The following ZPBP variants were observed in gnomAD, a reference collection of about 807,000 sequenced individuals.
ZPBP encodes the protein zona pellucida binding protein, also known as zona pellucida-binding protein 1.
ZPBP carries 26 observed loss-of-function variants against 44.8 expected under a neutral mutation model. The observed-to-expected ratio is 0.58, with a 90% confidence interval of 0.43 to 0.81. The LOEUF is 0.81. ZPBP is among the 30% of genes least tolerant of loss of function. ZPBP has a pLI of 0.00. For missense variants in ZPBP, 409 were observed against 434.0 expected (o/e 0.94, Z 0.51); for synonymous variants, 174 against 153.2 (o/e 1.14, Z -1.00).
chr7:49,973,954 T>C (rs1456969683), intron 7 of ZPBP, among the ~76,000 whole-genome samples: 3 of 152,152 alleles, frequency 2.0e-5, no homozygotes, highest in African/African-American at 7.2e-5. Context: ...GTAGTAGATA[T>C]TATTCTACCT....
intron 1 of ZPBP, chr7:49,920,600 G>A (rs1329995263): frequency 6.6e-6 from 1 of 152,116 alleles, no homozygotes; most frequent in Non-Finnish European, 1.5e-5. Flanking sequence ...GCTTGGCCGA[G>A]TTTGCTATTC....
chr7:49,902,631 A>G (rs1208591064), intron 1 of ZPBP, among the ~76,000 whole-genome samples: 4 of 151,884 alleles, frequency 2.6e-5, no homozygotes, highest in Admixed American at 6.6e-5. Flanking sequence ...TCATAGATTT[A>G]AATGTAAACC....
Position 49,981,321 on chromosome 7 carries a change from A to AT in ZPBP, c.961+2020dup, listed in dbSNP as rs1166232349. Among the ~76,000 whole-genome samples, 232 of 46,284 alleles carry AT rather than the reference A, an allele frequency of 5.0e-3. 1 individual carries two copies. The highest frequency in any genetic ancestry group is 0.013 in the African/African-American group (221 of 17,602). 30.4% of individuals were successfully genotyped at this position (46,284 alleles called of 152,430 possible). ...ATTATATATAATTATATATTATATA[A>AT]TATATATTATAATTATATATATTAT... is the stretch of plus-strand genomic sequence containing the variant. On this transcript the variant is annotated intron_variant, in intron 7 of 7. Transcript: ENST00000046087.
At chr7:50,068,112 G>T in intron 3 of ZPBP, among the ~76,000 whole-genome samples, 1 of 152,126 alleles carries the variant, frequency 6.6e-6, no homozygotes, top group Non-Finnish European at 1.5e-5. Context: ...CCTCTTAGAG[G>T]AGAGACTCCT....
At chr7:49,994,697 G>A (rs1797735821) in intron 6 of ZPBP, among the ~76,000 whole-genome samples, 1 of 152,192 alleles carries the variant, frequency 6.6e-6, no homozygotes, top group South Asian at 2.1e-4. Context: ...CCTGTGATAT[G>A]ATTCACATAT....
At chr7:50,039,367 A>C (rs968303879) in intron 4 of ZPBP, among the ~76,000 whole-genome samples, 2 of 152,164 alleles carry the variant, frequency 1.3e-5, no homozygotes, top group African/African-American at 4.8e-5. Flanking sequence ...ATAAATTCTA[A>C]AAGAAGTGAT....
chr7:49,871,908 AACACACACACACAC>A (rs72332840), intron 2 of ZPBP, among the ~76,000 whole-genome samples: 1,627 of 87,900 alleles, frequency 0.019, 73 homozygotes, highest in African/African-American at 0.066. Context: ...TGTGTATATA[AACACACACACACAC>A]ACACACACAC....
chr7:49,967,210 T>C (rs1029264647), intron 7 of ZPBP, among the ~76,000 whole-genome samples: 1 of 152,200 alleles, frequency 6.6e-6, no homozygotes, highest in Non-Finnish European at 1.5e-5. Flanking sequence ...CAGATGATTA[T>C]TCTCAAGCCT....
intron 7 of ZPBP, among the ~76,000 whole-genome samples, chr7:49,981,360 TA>T (rs11341491): frequency 0.1 from 1,174 of 11,372 alleles, 8 homozygotes; most frequent in Non-Finnish European, 0.13. Context: ...ATATATATTA[TA>T]TATAATTATA....
chr7:50,090,488 TGTGTATATGA>T (rs1455523373), intron 1 of ZPBP, among the ~76,000 whole-genome samples: 5 of 151,414 alleles, frequency 3.3e-5, no homozygotes, highest in Non-Finnish European at 7.4e-5. Flanking sequence ...TGTGTGTGTG[TGTGTATATGA>T]GTGTATATAT....
intron 2 of ZPBP, among the ~76,000 whole-genome samples, chr7:49,874,548 A>ATGTGTG (rs3062201): frequency 1.6e-4 from 24 of 147,762 alleles, no homozygotes; most frequent in Admixed American, 1.1e-3. Flanking sequence ...ATGACTATAT[A>ATGTGTG]TGTGTGTGTG....
chr7:49,885,000 G>A (rs1250021068), intron 2 of ZPBP, among the ~76,000 whole-genome samples: 1 of 151,974 alleles, frequency 6.6e-6, no homozygotes, highest in Non-Finnish European at 1.5e-5. Context: ...TTAGGAAATA[G>A]GATATAAGTG....
At chr7:49,929,275 G>T (rs1057037394) in intron 1 of ZPBP, among the ~76,000 whole-genome samples, 3 of 152,174 alleles carry the variant, frequency 2.0e-5, no homozygotes, top group Admixed American at 1.3e-4. Flanking sequence ...AGATGAACTG[G>T]ATGCAGAAAG....
chr7:49,979,255 T>C (rs1206217504), intron 7 of ZPBP, among the ~76,000 whole-genome samples: 2 of 151,958 alleles, frequency 1.3e-5, no homozygotes, highest in Admixed American at 1.3e-4. Flanking sequence ...ATCTATCCTA[T>C]TGCAAACTCA....
intron 1 of ZPBP, among the ~76,000 whole-genome samples, chr7:49,931,734 A>G (rs1794451355): frequency 1.3e-5 from 2 of 152,218 alleles, no homozygotes; most frequent in Admixed American, 6.5e-5. Flanking sequence ...GTTAATCACC[A>G]AGACAATAGG....
At chr7:50,006,371 CA>C (rs2128797980) in intron 6 of ZPBP, among the ~76,000 whole-genome samples, 1 of 152,004 alleles carries the variant, frequency 6.6e-6, no homozygotes, top group African/African-American at 2.4e-5. Context: ...CGTAAAGCCA[CA>C]AAACAAATAT....
intron 2 of ZPBP, among the ~76,000 whole-genome samples, chr7:49,885,300 A>C (rs1049376228): frequency 1.3e-5 from 2 of 152,168 alleles, no homozygotes; most frequent in African/African-American, 4.8e-5. Context: ...TAATTTCTCA[A>C]CAAATTTCAT....
At chr7:49,897,020 C>T (rs1202741329) in intron 2 of ZPBP, among the ~76,000 whole-genome samples, 4 of 151,702 alleles carry the variant, frequency 2.6e-5, no homozygotes, top group South Asian at 2.1e-4. Flanking sequence ...CTCAGCCTCC[C>T]GAGTAGCTGG....
intron 2 of ZPBP, among the ~76,000 whole-genome samples, chr7:49,883,238 A>G (rs963645340): frequency 6.6e-6 from 1 of 152,218 alleles, no homozygotes; most frequent in African/African-American, 2.4e-5. Flanking sequence ...AACCTAACCC[A>G]GGGAGGCGTC....
Sources: gnomAD v4.1 joint callset for allele counts (sites outside exome capture counted in the v4.1 genomes callset) on GRCh38, gnomAD v4.1.1 for gene constraint, MANE v1.5 for transcripts, NCBI Gene and HGNC (gene_info 2026-07-23, HGNC 2026-07-21) for gene names.